CHST4: variants seen among roughly 807,000 people sequenced by gnomAD.
The protein encoded by CHST4 is carbohydrate sulfotransferase 4, also known as GST-3.
For missense variants in CHST4, 466 were observed against 506.0 expected, an observed-to-expected ratio of 0.92 and a Z score of 0.76; for synonymous variants, 171 against 195.5, an observed-to-expected ratio of 0.87 and a Z score of 1.05.
In CHST4 at chr16:71,536,956, TG is replaced by T. The variant is rs779979517; in HGVS notation, c.280del (p.Val94CysfsTer4). 3 of 1,613,706 alleles carry T rather than the reference TG, an allele frequency of 1.9e-6. No individual in the cohort carries two copies. The African/African-American group carries it at 4.0e-5, about 22-fold the overall frequency. On this transcript the variant is annotated frameshift_variant, in exon 2 of 2. Coordinates refer to ENST00000539698, the MANE Select transcript of CHST4 (RefSeq NM_001166395.2). LOFTEE classifies it low-confidence loss of function (END_TRUNC). Reference sequence around the variant, plus strand: ...GCACCGCCTGGATGCTGCACATGGCTGTGCGGGATCTGATACGGGCCGTCTT... The same window carrying T: ...GCACCGCCTGGATGCTGCACATGGCTTGCGGGATCTGATACGGGCCGTCTT... ...QSTAWMLHMA[V>X]RDLIRAVFLC...
intron 1 of CHST4, among the ~76,000 whole-genome samples, chr16:71,535,313 T>C (rs978805549): frequency 6.6e-6 from 1 of 152,092 alleles, no homozygotes; most frequent in Non-Finnish European, 1.5e-5. Context: ...GCTGGGACTA[T>C]AGGCGTGTGC....
In CHST4 at chr16:71,537,650, AG is replaced by A. The variant is rs1329635776; in HGVS notation, c.976del (p.Asp326MetfsTer29). The A allele has an allele frequency of 2.5e-6, 4 of 1,614,078 alleles. No homozygotes were observed. The highest frequency in any genetic ancestry group is 2.5e-6 in the Non-Finnish European group (3 of 1,180,030). On this transcript the variant is annotated frameshift_variant, in exon 2 of 2. Transcript: ENST00000539698. LOFTEE classifies it low-confidence loss of function (END_TRUNC). This position sits in a 1 kb window ranked among gnomAD's most constrained non-coding sequence, Gnocchi z 4.2. ...MGDHAFHTNA[R>X]DALNVSQAWR... ...TGACCACGCTTTCCACACAAATGCCAGGGATGCCCTTAATGTCTCCCAGGCT... is the reference window on the plus strand; with the variant it reads ...TGACCACGCTTTCCACACAAATGCCAGGATGCCCTTAATGTCTCCCAGGCT...
chr16:71,534,332 T>C (rs1292664817), intron 1 of CHST4, among the ~76,000 whole-genome samples: 1 of 148,578 alleles, frequency 6.7e-6, no homozygotes, highest in Non-Finnish European at 1.5e-5. Flanking sequence ...AAGATCTGAC[T>C]GGGCAACATT....
At chr16:71,528,872 C>A (rs1404311850) in intron 1 of CHST4, among the ~76,000 whole-genome samples, 1 of 152,156 alleles carries the variant, frequency 6.6e-6, no homozygotes, top group Non-Finnish European at 1.5e-5. Context: ...CTTGAGGTCA[C>A]CCATCTGGCA....
intron 1 of CHST4, among the ~76,000 whole-genome samples, chr16:71,533,524 G>A (rs2043964316): frequency 6.6e-6 from 1 of 151,846 alleles, no homozygotes; most frequent in African/African-American, 2.4e-5. Context: ...ACTTTTCACT[G>A]TACATTGATG....
At chr16:71,534,301 ATTGT>A (rs2043970873) in intron 1 of CHST4, among the ~76,000 whole-genome samples, 1 of 147,042 alleles carries the variant, frequency 6.8e-6, no homozygotes, top group Non-Finnish European at 1.5e-5. Context: ...AGGCAGGAAG[ATTGT>A]TTGAGGCCAA....
At chr16:71,527,689 A>G (rs1363292057) in intron 1 of CHST4, among the ~76,000 whole-genome samples, 1 of 151,994 alleles carries the variant, frequency 6.6e-6, no homozygotes, top group Non-Finnish European at 1.5e-5. Flanking sequence ...GGCTGCAGTG[A>G]GCCGAGATCC....
At chr16:71,528,755 T>A (rs1331689969) in intron 1 of CHST4, among the ~76,000 whole-genome samples, 2 of 151,370 alleles carry the variant, frequency 1.3e-5, no homozygotes, top group Non-Finnish European at 2.9e-5. Context: ...TAAATTAGTA[T>A]CTATCTGGTT....
rs573688919 is a variant in CHST4, at chr16:71,538,283, A to G, written c.*445A>G. 158 of 176,526 alleles carry G rather than the reference A, an allele frequency of 9.0e-4. No individual in the cohort carries two copies. The highest frequency in any genetic ancestry group is 3.5e-3 in the African/African-American group (146 of 41,776). The allele number at this position is 176,526 out of a possible 1,614,324, so 10.9% of individuals were successfully genotyped here. On this transcript the variant is annotated 3_prime_UTR_variant, in exon 2 of 2. Coordinates refer to ENST00000539698, the MANE Select transcript of CHST4 (RefSeq NM_001166395.2). ...TCTGAGCCCTTGGAGTTCCCAGTGGATTCAAGGAAGGAAGTGGGAACAAGG... is the reference window on the plus strand; with the variant it reads ...TCTGAGCCCTTGGAGTTCCCAGTGGGTTCAAGGAAGGAAGTGGGAACAAGG...
intron 1 of CHST4, among the ~76,000 whole-genome samples, chr16:71,529,543 ATTTTTTTTTTTTTT>A (rs1157747412): frequency 0.01 from 422 of 41,388 alleles, 4 homozygotes; most frequent in Middle Eastern, 0.028. Flanking sequence ...ATGCTCATCT[ATTTTTTTTTTTTTT>A]TTTTTTTTTT....
rs570836136 is a variant in CHST4 at position 71,537,711 on chromosome 16, G to A, written c.1034G>A (p.Arg345Gln). ...RWSLPYEKVS[R>Q]LQKACGDAMN... Reference sequence around the variant, plus strand: ...TCTTTGCCCTATGAAAAGGTTTCTCGACTTCAGAAAGCCTGTGGCGATGCC... The same window carrying A: ...TCTTTGCCCTATGAAAAGGTTTCTCAACTTCAGAAAGCCTGTGGCGATGCC... Residue 345 changes from arginine (R) to glutamine (Q), a missense_variant, in exon 2 of 2, where the codon CGA becomes CAA. Arg to Gln is a conservative substitution (Grantham distance 43). Transcript: ENST00000539698. The surrounding 1 kb of genome is among the most constrained non-coding windows in gnomAD (Gnocchi z 4.2). 2.5e-5 allele frequency: 40 copies of A among 1,614,056 alleles called. No individual in the cohort carries two copies. Among genetic ancestry groups the A allele is most frequent in the African/African-American group, 5.3e-5 (4 of 74,914 alleles).
In CHST4 at chr16:71,537,959, T is replaced by A; in HGVS notation, c.*121T>A. The A allele has an allele frequency of 1.1e-6, 1 of 918,328 alleles. No individual in the cohort carries two copies. The highest frequency in any genetic ancestry group is 1.7e-6 in the Non-Finnish European group (1 of 605,082). 56.9% of individuals were successfully genotyped at this position (918,328 alleles called of 1,614,324 possible). ...ATGTCTGTGGGTATCACACTGAGTG[T>A]GAGTTGTGTCCACACGTGCTCAAGC... On this transcript the variant is annotated 3_prime_UTR_variant, in exon 2 of 2. Coordinates refer to ENST00000539698, the MANE Select transcript of CHST4 (RefSeq NM_001166395.2). This position sits in a 1 kb window ranked among gnomAD's most constrained non-coding sequence, Gnocchi z 4.2.
rs138411338 is a variant in CHST4, at chr16:71,536,754, T to C, written c.77T>C (p.Met26Thr). 68 of 1,509,278 alleles carry C rather than the reference T, an allele frequency of 4.5e-5. No homozygotes were observed. Among genetic ancestry groups the C allele is most frequent in the Non-Finnish European group, 5.5e-5 (62 of 1,130,094 alleles). The allele number at this position is 1,509,278 out of a possible 1,614,324, so 93.5% of individuals were successfully genotyped here. Reference protein sequence around the residue: ...QMAILALFFHMYSHNISSLSM... With the variant: ...QMAILALFFHTYSHNISSLSM... ...GCCATCTTGGCTCTATTCTTCCACA[T>C]GTACAGCCACAACATCAGCTCCCTG... The change falls in exon 2 of 2, where the codon ATG becomes ACG. Residue 26 changes from methionine to threonine, a missense_variant. Met to Thr is a moderately conservative substitution (Grantham distance 81, BLOSUM62 -1). Transcript: ENST00000539698.
rs1006356956 is a variant in CHST4, at chr16:71,538,075, C to T, written c.*237C>T. 7.3e-6 allele frequency: 4 copies of T among 550,874 alleles called. No homozygotes were observed. The highest frequency in any genetic ancestry group is 3.5e-5 in the Admixed American group (1 of 28,246). 34.1% of individuals were successfully genotyped at this position (550,874 alleles called of 1,614,324 possible). ...ATCCCACCAGTGAAACAGGGTATTG[C>T]TCTTCTTCTTTTCTTGATCTTCCTG... is the stretch of plus-strand genomic sequence containing the variant. On this transcript the variant is annotated 3_prime_UTR_variant, in exon 2 of 2. Coordinates refer to ENST00000539698, the MANE Select transcript of CHST4 (RefSeq NM_001166395.2).
At chr16:71,527,548 A>G (rs1475507522) in intron 1 of CHST4, among the ~76,000 whole-genome samples, 1 of 152,112 alleles carries the variant, frequency 6.6e-6, no homozygotes, top group African/African-American at 2.4e-5. Context: ...GGAGTTCAAG[A>G]CCAGCCCGGC....
chr16:71,533,899 G>A (rs1180179246), intron 1 of CHST4, among the ~76,000 whole-genome samples: 2 of 151,982 alleles, frequency 1.3e-5, no homozygotes, highest in African/African-American at 4.8e-5. Context: ...AAAATTAGCT[G>A]AGCCTGGTGG....
intron 1 of CHST4, among the ~76,000 whole-genome samples, chr16:71,527,044 A>C (rs1192888973): frequency 6.6e-6 from 1 of 152,242 alleles, no homozygotes; most frequent in Admixed American, 6.5e-5. Flanking sequence ...TGAAAAATGA[A>C]GAAATGTCTC....
At chr16:71,535,280 C>A (rs2043979065) in intron 1 of CHST4, among the ~76,000 whole-genome samples, 1 of 152,100 alleles carries the variant, frequency 6.6e-6, no homozygotes, top group African/African-American at 2.4e-5. Context: ...TCAGACGATT[C>A]CCCTGCCTCA....
At chr16:71,535,333 C>G (rs966005385) in intron 1 of CHST4, among the ~76,000 whole-genome samples, 3 of 152,062 alleles carry the variant, frequency 2.0e-5, no homozygotes, top group Non-Finnish European at 4.4e-5. Flanking sequence ...CCAACACACT[C>G]AGCTAATTTT....
Sources: allele counts gnomAD v4.1 joint callset (sites outside exome capture counted in the v4.1 genomes callset), GRCh38; gene constraint gnomAD v4.1.1; non-coding constraint Gnocchi (gnomAD v3.1); transcripts MANE v1.5; gene names NCBI Gene and HGNC (gene_info 2026-07-23, HGNC 2026-07-21).